Variants in FAS observed in about 807,000 individuals in gnomAD.
FAS encodes tumor necrosis factor receptor superfamily member 6.
A neutral mutation model predicts 33.2 loss-of-function variants in FAS; 5 were observed. The observed-to-expected ratio is 0.15, with a 90% CI of 0.08 to 0.32. FAS has a LOEUF of 0.32. Ranked by LOEUF, FAS falls within the 10% of genes least tolerant of loss-of-function variation. The pLI, the probability that FAS is intolerant of heterozygous loss-of-function variation, is 1.00. For synonymous variants in FAS, 131 were observed against 130.7 expected (o/e 1.00, Z -0.01); for missense variants, 339 against 386.0 (o/e 0.88, Z 1.02).
intron 7 of FAS, 174 bp downstream of exon 7, chr10:89,012,255 G>A: frequency 1.7e-6 from 1 of 585,414 alleles, no homozygotes; most frequent in Non-Finnish European, 3.1e-6. Context: ...ATGGCTCACT[G>A]CAGCCTCAAA....
intron 2 of FAS, chr10:88,974,150 T>C (rs559384110): frequency 6.6e-6 from 1 of 152,230 alleles, no homozygotes; most frequent in East Asian, 1.9e-4. Flanking sequence ...CTTTAAATTC[T>C]TCTTAAATTT....
intron 1 of FAS, among the ~76,000 whole-genome samples, chr10:88,995,585 C>G (rs1184591434): frequency 6.6e-6 from 1 of 152,174 alleles, no homozygotes; most frequent in Non-Finnish European, 1.5e-5. Context: ...CTTCAGGAGG[C>G]CAAGGTGGGT....
chr10:89,013,300 T>A, intron 7 of FAS, 43 bp from the exon 8 acceptor site: 1 of 1,577,712 alleles, frequency 6.3e-7, no homozygotes, highest in Non-Finnish European at 8.7e-7. Flanking sequence ...TCTAAAGATA[T>A]ATTTTTATTT....
chr10:88,964,641 A>T (rs924161798), intron 1 of FAS, among the ~76,000 whole-genome samples: 1 of 152,160 alleles, frequency 6.6e-6, no homozygotes, highest in Non-Finnish European at 1.5e-5. Context: ...GGGGTAGGGC[A>T]GAGAGATTTT....
upstream of FAS, among the ~76,000 whole-genome samples, chr10:88,984,990 G>A (rs1177390300): frequency 6.6e-6 from 1 of 152,218 alleles, no homozygotes; most frequent in African/African-American, 2.4e-5. Context: ...TAAATAAAAT[G>A]ACATTTAGTT....
In FAS at chr10:89,004,012, C is replaced by T. The variant is rs192983287; in HGVS notation, c.196+818C>T. On this transcript the variant is annotated intron_variant, in intron 2 of 8. Coordinates refer to ENST00000652046, the MANE Select transcript of FAS (RefSeq NM_000043.6). Reference sequence around the variant, plus strand: ...TGCTTCATGTCCAGATTTTAATAACCGTTATGGAAAAATCTCCCCTATAAC... The same window carrying T: ...TGCTTCATGTCCAGATTTTAATAACTGTTATGGAAAAATCTCCCCTATAAC... Among the ~76,000 whole-genome samples, 40 of 152,202 alleles carry T rather than the reference C, an allele frequency of 2.6e-4. No individual in the cohort carries two copies. In the East Asian group the frequency reaches 6.8e-3, roughly 26 times the overall value.
intron 1 of FAS, among the ~76,000 whole-genome samples, chr10:88,970,678 T>C (rs1335659372): frequency 6.6e-6 from 1 of 152,032 alleles, no homozygotes; most frequent in Non-Finnish European, 1.5e-5. Context: ...ATGAGAACAC[T>C]TGGACACAGG....
At chr10:89,010,347 T>C (rs935915627) in intron 4 of FAS, among the ~76,000 whole-genome samples, 192 bp from the exon 5 acceptor site, 3 of 152,236 alleles carry the variant, frequency 2.0e-5, no homozygotes, top group Non-Finnish European at 4.4e-5. Context: ...CCTTATGATA[T>C]TTTTCATCCA....
At chr10:88,965,650 G>A (rs1246047202) in intron 1 of FAS, among the ~76,000 whole-genome samples, 4 of 129,190 alleles carry the variant, frequency 3.1e-5, no homozygotes, top group African/African-American at 1.2e-4. Context: ...TAGTTGCAAG[G>A]TCAAGCCATT....
chr10:88,970,221 C>G (rs897081244), intron 1 of FAS, among the ~76,000 whole-genome samples: 6 of 152,174 alleles, frequency 3.9e-5, no homozygotes, highest in African/African-American at 7.2e-5. Context: ...AGTCACTACC[C>G]TGTTTAAGGA....
At chr10:88,987,359 G>C (rs1051413559), upstream of FAS, among the ~76,000 whole-genome samples, 1 of 152,202 alleles carries the variant, frequency 6.6e-6, no homozygotes, top group Admixed American at 6.5e-5. Flanking sequence ...AGCTTAAGCA[G>C]AAACTAAGAA....
Position 89,010,616 on chromosome 10 carries a change from C to T in FAS, c.505+16C>T, listed in dbSNP as rs3218620. ...AAAGAGGAAGGTAATTATTTTTTTA[C>T]GGTTATATTCTCCTTTCCCCCAACC... On this transcript the variant is annotated intron_variant, in intron 5 of 8. Transcript: ENST00000652046. The T allele has an allele frequency of 0.012, 18,983 of 1,612,254 alleles. 195 individuals are homozygous for T. The highest frequency in any genetic ancestry group is 0.013 in the Non-Finnish European group (14,824 of 1,178,522).
At chr10:88,998,196 G>A (rs1039805624) in intron 1 of FAS, among the ~76,000 whole-genome samples, 9 of 152,210 alleles carry the variant, frequency 5.9e-5, no homozygotes, top group African/African-American at 1.4e-4. Flanking sequence ...ACGAGGGCAG[G>A]ATCTGTTCAG....
chr10:88,989,805 C>T (rs1425999884), upstream of FAS, among the ~76,000 whole-genome samples: 1 of 152,090 alleles, frequency 6.6e-6, no homozygotes, highest in Non-Finnish European at 1.5e-5. Context: ...GCTTGGTGGA[C>T]GATGCCAAAG....
chr10:88,993,991 T>C (rs1926196), intron 1 of FAS, among the ~76,000 whole-genome samples: 86,650 of 151,580 alleles, frequency 0.57, 26,053 homozygotes, highest in African/African-American at 0.78. Flanking sequence ...CTACCAGCTA[T>C]AGTTAGACTG....
rs114658485 is a variant in FAS, at chr10:89,014,195, G to A, written c.753G>A (p.Lys251=). The A allele has an allele frequency of 1.2e-6, 2 of 1,613,896 alleles. No homozygotes were observed. The highest frequency in any genetic ancestry group is 2.2e-5 in the East Asian group (1 of 44,852). The stretch of plus-strand genomic sequence containing the variant: ...GTCAAGTTAAAGGCTTTGTTCGAAA[G>A]AATGGTGTCAATGAAGCCAAAATAG... The part of the protein sequence containing the change: ...TLSQVKGFVR[K]NGVNEAKIDE... The change falls in exon 9 of 9, where the codon AAG becomes AAA. Residue 251 remains lysine (K), a synonymous_variant. Transcript: ENST00000652046.
At position 88,976,569 on chromosome 10, in the gene FAS, T is replaced by A. The variant is rs192520848; in HGVS notation, n.260+3222T>A. Among the ~76,000 whole-genome samples the A allele has an allele frequency of 9.8e-5, 15 of 152,344 alleles. No individual in the cohort carries two copies. The East Asian group carries it at 2.9e-3, about 29-fold the overall frequency. The stretch of plus-strand genomic sequence containing the variant: ...TTGTAGTTCTATAGCAAAAACCCAC[T>A]TCCTTTCCACTAAATTGAAAATGAC... On this transcript the variant is annotated intron_variant and non_coding_transcript_variant, in intron 2 of 3. Transcript: ENST00000688239.
chr10:88,990,608 C>T, upstream of FAS: 1 of 683,402 alleles, frequency 1.5e-6, no homozygotes, highest in Non-Finnish European at 2.7e-6. The surrounding 1 kb of genome is among the most constrained non-coding windows in gnomAD (Gnocchi z 4.9). Flanking sequence ...GGCTTCCTTC[C>T]CATCCTCCTG....
rs1331763652 is a variant in FAS, at chr10:89,015,300, T to G, written c.*850T>G. On this transcript the variant is annotated 3_prime_UTR_variant, in exon 9 of 9. Coordinates refer to ENST00000652046, the MANE Select transcript of FAS (RefSeq NM_000043.6). ...TTAATAGTCCACCAAAAGGCAAGACTGCCCTTAGAAATTCTAGCCTGGTTT... is the reference window on the plus strand; with the variant it reads ...TTAATAGTCCACCAAAAGGCAAGACGGCCCTTAGAAATTCTAGCCTGGTTT... The G allele has an allele frequency of 1.9e-6, 1 of 534,800 alleles. No homozygotes were observed. The highest frequency in any genetic ancestry group is 1.9e-5 in the African/African-American group (1 of 53,990). The allele number at this position is 534,800 out of a possible 1,614,324, so 33.1% of individuals were successfully genotyped here. A position where few individuals can be genotyped will look rare whatever the true frequency, so the allele number is the denominator to read the frequency against.
Sources: gnomAD v4.1 joint callset for allele counts (sites outside exome capture counted in the v4.1 genomes callset) on GRCh38, gnomAD v4.1.1 for gene constraint, Gnocchi (gnomAD v3.1) non-coding constraint, MANE v1.5 for transcripts, NCBI Gene and HGNC (gene_info 2026-07-23, HGNC 2026-07-21) for gene names.